The following RGS7 variants were observed in gnomAD, a reference collection of about 807,000 sequenced individuals.
The protein encoded by RGS7 is regulator of G protein signaling 7, also known as regulator of G-protein signaling 7.
A neutral mutation model predicts 81.1 loss-of-function variants in RGS7; 27 were observed. The observed-to-expected ratio is 0.33, with a 90% CI of 0.25 to 0.46. The LOEUF (loss-of-function observed/expected upper bound fraction) is 0.46. Among genes scored for constraint, RGS7 ranks in the 20% least tolerant of loss-of-function variants. RGS7 has a pLI of 1.00. For missense variants in RGS7, 396 were observed against 607.4 expected (o/e 0.65, Z 3.66); for synonymous variants, 208 against 207.7 (o/e 1.00, Z -0.01).
intron 9 of RGS7, among the ~76,000 whole-genome samples, chr1:240,834,145 A>G (rs1427447422): frequency 2.6e-5 from 4 of 152,152 alleles, no homozygotes; most frequent in Non-Finnish European, 1.5e-5. Context: ...GGCAGTTGTC[A>G]GTTGATTCAG....
At chr1:240,814,838 T>A in intron 11 of RGS7, 61 bp from the exon 12 acceptor site, 2 of 1,028,140 alleles carry the variant, frequency 1.9e-6, no homozygotes, top group Non-Finnish European at 3.1e-6. Flanking sequence ...TTTTCCACTC[T>A]AAATCATGAT....
At position 241,146,224 on chromosome 1, in the gene RGS7, G is replaced by GA. The variant is rs1009793270; in HGVS notation, c.79-47463dup. Among the ~76,000 whole-genome samples, 453 of 149,578 alleles carry GA rather than the reference G, an allele frequency of 3.0e-3. 7 individuals carry two copies. Among genetic ancestry groups the GA allele is most frequent in the African/African-American group, 0.01 (417 of 40,780 alleles). On this transcript the variant is annotated intron_variant, in intron 2 of 18. Transcript: ENST00000440928. ...AGAAAAATTAAAATGACAGTACAAT[G>GA]AAAAAAAAATACAATCTAATAAGAC...
chr1:241,162,222 G>GCGCCCCCCCCCCCCCCCCCC (rs68166816), intron 2 of RGS7, among the ~76,000 whole-genome samples: 1 of 142,028 alleles, frequency 7.0e-6, no homozygotes, highest in African/African-American at 2.6e-5. Context: ...CTGGTGATCA[G>GCGCCCCCCCCCCCCCCCCCC]CTTCCAAATA....
At chr1:241,145,793 T>A (rs1475796495) in intron 2 of RGS7, among the ~76,000 whole-genome samples, 1 of 152,114 alleles carries the variant, frequency 6.6e-6, no homozygotes, top group African/African-American at 2.4e-5. Flanking sequence ...AAAATAAATA[T>A]TCTGTGATGC....
intron 9 of RGS7, among the ~76,000 whole-genome samples, chr1:240,831,711 C>A (rs1030905991): frequency 1.3e-5 from 2 of 151,302 alleles, no homozygotes; most frequent in African/African-American, 4.9e-5. Flanking sequence ...TCTCGGCTCA[C>A]TGCAACCGCT....
Position 240,961,922 on chromosome 1 carries a change from G to A in RGS7, c.226+21157C>T, listed in dbSNP as rs1193195487. On this transcript the variant is annotated intron_variant, in intron 4 of 18. Coordinates refer to ENST00000440928, the MANE Select transcript of RGS7 (RefSeq NM_001364886.1). Reference sequence around the variant, plus strand: ...GGGAGGGAAGAAGGCAGAGAGGAAGGAAGGGAGGAAGGAAAATAAAAAGAG... The same window carrying A: ...GGGAGGGAAGAAGGCAGAGAGGAAGAAAGGGAGGAAGGAAAATAAAAAGAG... Among the ~76,000 whole-genome samples the A allele has an allele frequency of 2.0e-5, 3 of 152,082 alleles. No individual in the cohort carries two copies. The South Asian group carries it at 6.2e-4, about 32-fold the overall frequency.
chr1:240,799,287 TTGTGTG>T (rs71678488), intron 18 of RGS7, among the ~76,000 whole-genome samples: 1 of 142,422 alleles, frequency 7.0e-6, no homozygotes, highest in Non-Finnish European at 1.5e-5. Flanking sequence ...GTGTCTATGT[TTGTGTG>T]TGTGTGTGTG....
In RGS7 at chr1:241,137,941, C is replaced by T. The variant is rs35266898; in HGVS notation, c.79-39179G>A. On this transcript the variant is annotated intron_variant, in intron 2 of 18. Transcript: ENST00000440928. Reference sequence around the variant, plus strand: ...ATCCCAGCACTTTGGAAGGCTGAGGCGGGCAGATCACCTGAGGTCGGGAGT... The same window carrying T: ...ATCCCAGCACTTTGGAAGGCTGAGGTGGGCAGATCACCTGAGGTCGGGAGT... Among the ~76,000 whole-genome samples, 993 of 152,184 alleles carry T rather than the reference C, an allele frequency of 6.5e-3. 2 individuals carry two copies. The highest frequency in any genetic ancestry group is 0.01 in the Non-Finnish European group (691 of 68,000).
chr1:240,827,041 C>T (rs1572282915), intron 10 of RGS7, 57 bp downstream of exon 10: 10 of 1,356,738 alleles, frequency 7.4e-6, no homozygotes, highest in South Asian at 3.5e-5. Context: ...TTATGGCTGA[C>T]GTCCTGTAAA....
In RGS7 at chr1:241,100,330, G is replaced by C. The variant is rs528961454; in HGVS notation, c.79-1568C>G. ...GCAGAGCTTGCAGTGAGCCGAGATGGCGCCACTGCACTCCAGCCTGGGCAA... is the reference window on the plus strand; with the variant it reads ...GCAGAGCTTGCAGTGAGCCGAGATGCCGCCACTGCACTCCAGCCTGGGCAA... On this transcript the variant is annotated intron_variant, in intron 2 of 18. Coordinates refer to ENST00000440928, the MANE Select transcript of RGS7 (RefSeq NM_001364886.1). Among the ~76,000 whole-genome samples the C allele has an allele frequency of 2.3e-4, 34 of 145,182 alleles. 1 individual carries two copies. The East Asian group carries it at 6.6e-3, about 28-fold the overall frequency.
chr1:241,211,333 A>G (rs1443279892), intron 2 of RGS7, among the ~76,000 whole-genome samples: 1 of 152,176 alleles, frequency 6.6e-6, no homozygotes, highest in Non-Finnish European at 1.5e-5. Context: ...GCATAGCACA[A>G]TATTAGTCAG....
chr1:240,866,132 A>C (rs2148007909), intron 9 of RGS7, among the ~76,000 whole-genome samples: 1 of 152,356 alleles, frequency 6.6e-6, no homozygotes, highest in Non-Finnish European at 1.5e-5. Context: ...GTTAAGAAAA[A>C]GAAATGGTTG....
intron 6 of RGS7, among the ~76,000 whole-genome samples, chr1:240,898,993 A>T (rs1669539745): frequency 1.3e-5 from 2 of 152,148 alleles, no homozygotes; most frequent in African/African-American, 4.8e-5. Flanking sequence ...TATATTTAGG[A>T]TAGTTAGCTC....
intron 3 of RGS7, among the ~76,000 whole-genome samples, chr1:241,030,526 C>A (rs1360906215): frequency 1.1e-5 from 1 of 92,986 alleles, no homozygotes; most frequent in African/African-American, 3.8e-5. Flanking sequence ...ACACACACAT[C>A]CTTCTTTGAT....
At chr1:241,229,803 T>C (rs1282245203) in intron 2 of RGS7, among the ~76,000 whole-genome samples, 1 of 152,202 alleles carries the variant, frequency 6.6e-6, no homozygotes, top group African/African-American at 2.4e-5. Flanking sequence ...TTAAAATCAT[T>C]TTGCTAGTGC....
chr1:241,189,877 A>T (rs2072464072), intron 2 of RGS7, among the ~76,000 whole-genome samples: 1 of 152,106 alleles, frequency 6.6e-6, no homozygotes, highest in Non-Finnish European at 1.5e-5. Flanking sequence ...GCACTTTGGG[A>T]GGCCAAGGCG....
chr1:240,887,529 T>C (rs571977541), intron 6 of RGS7, among the ~76,000 whole-genome samples: 7 of 152,264 alleles, frequency 4.6e-5, no homozygotes, highest in East Asian at 3.9e-4. Flanking sequence ...TAGTTTTATA[T>C]AGAGTTCTTT....
At chr1:240,877,018 CTAT>C (rs1382848494) in intron 6 of RGS7, among the ~76,000 whole-genome samples, 4 of 152,090 alleles carry the variant, frequency 2.6e-5, no homozygotes, top group Non-Finnish European at 4.4e-5. Flanking sequence ...TTTTCTAGGA[CTAT>C]TACCCAAGGG....
intron 6 of RGS7, among the ~76,000 whole-genome samples, chr1:240,910,830 T>C (rs1671628054): frequency 6.6e-6 from 1 of 152,036 alleles, no homozygotes; most frequent in Non-Finnish European, 1.5e-5. Flanking sequence ...GGGATTCTCA[T>C]GCCTCAGCCT....
Sources: allele counts gnomAD v4.1 joint callset (sites outside exome capture counted in the v4.1 genomes callset), GRCh38; gene constraint gnomAD v4.1.1; transcripts MANE v1.5; gene names NCBI Gene and HGNC (gene_info 2026-07-23, HGNC 2026-07-21).